The following SPAG6 variants were observed in gnomAD, a reference collection of about 807,000 sequenced individuals.
The protein encoded by SPAG6 is sperm associated antigen 6.
SPAG6 carries 49 observed loss-of-function variants against 58.5 expected under a neutral mutation model. That is an observed-to-expected ratio of 0.84 (90% CI 0.67 to 1.06). The LOEUF (loss-of-function observed/expected upper bound fraction) is 1.06, where lower values mean the gene tolerates loss of function less well. Ranked by LOEUF, SPAG6 falls within the 50% of genes least tolerant of loss-of-function variation. The pLI, the probability that SPAG6 is intolerant of heterozygous loss-of-function variation, is 0.00. For missense variants in SPAG6, 560 were observed against 611.3 expected, an observed-to-expected ratio of 0.92 and a Z score of 0.89; for synonymous variants, 233 against 225.6, an observed-to-expected ratio of 1.03 and a Z score of -0.29.
chr10:22,372,392 A>G (rs1381257424), intron 4 of SPAG6, among the ~76,000 whole-genome samples: 1 of 152,220 alleles, frequency 6.6e-6, no homozygotes, highest in Non-Finnish European at 1.5e-5. Flanking sequence ...GGGTGCCTGG[A>G]GAGCCTGTGC....
At position 22,386,654 on chromosome 10, in the gene SPAG6, A is replaced by G. The variant is rs936383348; in HGVS notation, c.473-100A>G. 20 of 858,418 alleles carry G rather than the reference A, an allele frequency of 2.3e-5. 1 individual carries two copies. The South Asian group carries it at 2.8e-4, about 12-fold the overall frequency. 53.2% of individuals were successfully genotyped at this position (858,418 alleles called of 1,614,324 possible). On this transcript the variant is annotated intron_variant, in intron 4 of 10. Coordinates refer to ENST00000376624, the MANE Select transcript of SPAG6 (RefSeq NM_012443.4). ...TGCAGATGTTGAGAGAGTGAAGTAC[A>G]CCCTCCCCTTTTTTCTTTGCTGTAT... is the stretch of plus-strand genomic sequence containing the variant.
chr10:22,346,119 A>G, intron 2 of SPAG6: 1 of 1,420,990 alleles, frequency 7.0e-7, no homozygotes, highest in South Asian at 1.3e-5. Flanking sequence ...ACTCTACCCT[A>G]ATGAGACCCA....
chr10:22,398,486 G>C (rs888219681), intron 8 of SPAG6, among the ~76,000 whole-genome samples: 1 of 152,204 alleles, frequency 6.6e-6, no homozygotes, highest in Admixed American at 6.5e-5. Flanking sequence ...CAACACTTTG[G>C]AGGACAAGGC....
chr10:22,358,453 T>C (rs1240553840), intron 2 of SPAG6, among the ~76,000 whole-genome samples: 1 of 152,124 alleles, frequency 6.6e-6, no homozygotes, highest in East Asian at 1.9e-4. Flanking sequence ...GTAAATTTGT[T>C]TGAGTTCATT....
At chr10:22,371,456 G>A (rs1267923057) in intron 4 of SPAG6, among the ~76,000 whole-genome samples, 1 of 152,118 alleles carries the variant, frequency 6.6e-6, no homozygotes, top group Non-Finnish European at 1.5e-5. Context: ...GTTTCACCAT[G>A]TTGGTCAGGC....
chr10:22,358,609 G>T (rs1224349921), intron 2 of SPAG6, among the ~76,000 whole-genome samples: 1 of 151,654 alleles, frequency 6.6e-6, no homozygotes, highest in Non-Finnish European at 1.5e-5. Flanking sequence ...GTCAATTTTG[G>T]CTTTTGTTGC....
rs1486918861 is a variant in SPAG6 at position 22,411,094 on chromosome 10, C to G, written c.1378C>G (p.Gln460Glu). ...AACAAGTGGTGGCCTTAAAAAAGTT[C>G]AAGAGATAAAAGCAGAACCTGGTTC... ...FVTSGGLKKV[Q>E]EIKAEPGSLL... is the part of the protein sequence containing the mutation. The change falls in exon 10 of 11, where the codon CAA becomes GAA. Residue 460 changes from glutamine (Q) to glutamate (E), a missense_variant. Coordinates refer to ENST00000376624, the MANE Select transcript of SPAG6 (RefSeq NM_012443.4). The G allele has an allele frequency of 1.9e-6, 3 of 1,613,954 alleles. No individual in the cohort carries two copies. Among genetic ancestry groups the G allele is most frequent in the South Asian group, 1.1e-5 (1 of 91,062 alleles).
intron 4 of SPAG6, among the ~76,000 whole-genome samples, 165 bp from the exon 5 acceptor site, chr10:22,386,589 G>C (rs1834068078): frequency 6.6e-6 from 1 of 152,086 alleles, no homozygotes. Flanking sequence ...GCTCAGGATT[G>C]GTCCACATGG....
At chr10:22,365,156 G>A (rs1479094949) in intron 3 of SPAG6, 137 bp downstream of exon 3, 1 of 566,280 alleles carries the variant, frequency 1.8e-6, no homozygotes, top group East Asian at 2.9e-5. Context: ...TGAGCTGCAT[G>A]TAATCATATT....
At chr10:22,408,996 C>T (rs936895237) in intron 9 of SPAG6, among the ~76,000 whole-genome samples, 2 of 152,108 alleles carry the variant, frequency 1.3e-5, no homozygotes, top group African/African-American at 4.8e-5. Flanking sequence ...TGCTTCGGCT[C>T]GCGCACCCAC....
chr10:22,366,131 G>A (rs1002189753), intron 3 of SPAG6, among the ~76,000 whole-genome samples: 3 of 152,150 alleles, frequency 2.0e-5, no homozygotes, highest in African/African-American at 7.2e-5. Flanking sequence ...CATAGCAGCA[G>A]CATCCACAAT....
chr10:22,355,670 C>A (rs1836845323), intron 2 of SPAG6, among the ~76,000 whole-genome samples: 1 of 152,124 alleles, frequency 6.6e-6, no homozygotes. Context: ...CCCTAAATCA[C>A]AATTGACTTT....
At chr10:22,362,638 G>C (rs1228723722) in intron 2 of SPAG6, among the ~76,000 whole-genome samples, 2 of 151,942 alleles carry the variant, frequency 1.3e-5, no homozygotes, top group Non-Finnish European at 2.9e-5. Context: ...GGCTGAGTGG[G>C]AGGATTGCTT....
chr10:22,363,442 G>A (rs1837098190), intron 2 of SPAG6, among the ~76,000 whole-genome samples: 1 of 152,186 alleles, frequency 6.6e-6, no homozygotes, highest in Admixed American at 6.5e-5. Context: ...GTGGGCAGGG[G>A]CTCTGTGTGC....
chr10:22,406,730 A>G (rs1034547471), intron 9 of SPAG6, among the ~76,000 whole-genome samples: 1 of 152,112 alleles, frequency 6.6e-6, no homozygotes, highest in African/African-American at 2.4e-5. Flanking sequence ...CTGTGTTGAC[A>G]GTGGGGTGTT....
chr10:22,379,461 G>A (rs572611433), intron 4 of SPAG6, among the ~76,000 whole-genome samples: 3 of 152,156 alleles, frequency 2.0e-5, no homozygotes, highest in East Asian at 3.9e-4. Context: ...GAATCACTTG[G>A]GTCCTCTCTT....
intron 8 of SPAG6, among the ~76,000 whole-genome samples, chr10:22,400,540 T>G (rs1834388387): frequency 6.6e-6 from 1 of 151,622 alleles, no homozygotes. Context: ...ATGGTACGTA[T>G]TCTTCTGCTT....
chr10:22,409,208 C>G (rs867074516), intron 9 of SPAG6, among the ~76,000 whole-genome samples: 85 of 152,168 alleles, frequency 5.6e-4, no homozygotes, highest in African/African-American at 2.0e-3. Flanking sequence ...GATGATAAAG[C>G]AAGGTAGAAG....
intron 8 of SPAG6, among the ~76,000 whole-genome samples, chr10:22,400,000 C>A (rs544693429): frequency 6.6e-6 from 1 of 152,108 alleles, no homozygotes; most frequent in Non-Finnish European, 1.5e-5. Context: ...ATGTGTCAAG[C>A]AATAAGAGGC....
Sources: allele counts gnomAD v4.1 joint callset (sites outside exome capture counted in the v4.1 genomes callset), GRCh38; gene constraint gnomAD v4.1.1; transcripts MANE v1.5; gene names NCBI Gene and HGNC (gene_info 2026-07-23, HGNC 2026-07-21).